Variants in WWOX observed in about 807,000 individuals in gnomAD.
The protein encoded by WWOX is WW domain-containing oxidoreductase.
WWOX carries 69 observed loss-of-function variants against 46.2 expected under a neutral mutation model. That is an observed-to-expected ratio of 1.49 (90% CI 1.23 to 1.82). The LOEUF is 1.82. Among genes scored for constraint, WWOX ranks in the 40% most tolerant of loss-of-function variants. WWOX has a pLI of 0.00. For missense variants in WWOX, 919 were observed against 542.6 expected (o/e 1.69, Z -6.89); for synonymous variants, 359 against 202.6 (o/e 1.77, Z -6.56).
intron 8 of WWOX, among the ~76,000 whole-genome samples, chr16:79,117,337 T>C (rs1443424218): frequency 1.3e-5 from 2 of 152,118 alleles, no homozygotes; most frequent in Admixed American, 6.5e-5. Flanking sequence ...GGAATACAAA[T>C]TTTTTCCCAA....
intron 8 of WWOX, among the ~76,000 whole-genome samples, chr16:78,759,169 T>C (rs2049730149): frequency 6.6e-6 from 1 of 152,126 alleles, no homozygotes; most frequent in Non-Finnish European, 1.5e-5. Flanking sequence ...TGGTGCTTAG[T>C]GGTGACTATG....
rs141315832 is a variant in WWOX, at chr16:78,169,203, G to T, written c.516+4914G>T. 6.5e-3 allele frequency among the ~76,000 whole-genome samples: 995 copies of T among 152,282 alleles called. 4 individuals carry two copies. The highest frequency in any genetic ancestry group is 0.012 in the Non-Finnish European group (797 of 68,014). On this transcript the variant is annotated intron_variant, in intron 5 of 8. Coordinates refer to ENST00000566780, the MANE Select transcript of WWOX (RefSeq NM_016373.4). ...TAAGACAAGCACCTATCGTTTTCCT[G>T]TGTATTCCAAGAGGCCAGTGTGGCT...
chr16:79,184,336 C>A (rs1028661935), intron 8 of WWOX, among the ~76,000 whole-genome samples: 4 of 152,164 alleles, frequency 2.6e-5, no homozygotes, highest in Admixed American at 6.5e-5. Flanking sequence ...TTTGAACACC[C>A]ATCACTGTGA....
chr16:79,140,839 T>A (rs1469762260), intron 8 of WWOX, among the ~76,000 whole-genome samples: 1 of 152,212 alleles, frequency 6.6e-6, no homozygotes, highest in Non-Finnish European at 1.5e-5. Context: ...GAGAGTCTTC[T>A]TGTCACTCAA....
intron 8 of WWOX, among the ~76,000 whole-genome samples, chr16:78,638,152 C>T (rs557782908): frequency 3.0e-4 from 45 of 152,244 alleles, no homozygotes; most frequent in African/African-American, 1.0e-3. Flanking sequence ...ACACTGTTTC[C>T]CATGGCAATT....
chr16:78,245,705 A>G lies in WWOX; in HGVS notation c.516+81416A>G, dbSNP rs182809527. 2.5e-3 allele frequency among the ~76,000 whole-genome samples: 385 copies of G among 152,358 alleles called. 2 individuals are homozygous for G. Among genetic ancestry groups the G allele is most frequent in the Non-Finnish European group, 3.4e-3 (234 of 68,026 alleles). ...ATTTGTCATCCCATAGAATGCCACC[A>G]CATGGAATCGGTCCTGAGGCTTCTG... On this transcript the variant is annotated intron_variant, in intron 5 of 8. Transcript: ENST00000566780.
intron 6 of WWOX, among the ~76,000 whole-genome samples, chr16:78,421,067 C>T (rs1278002058): frequency 6.6e-6 from 1 of 152,000 alleles, no homozygotes; most frequent in African/African-American, 2.4e-5. Context: ...TTTTAGTTGA[C>T]ATGTCATTAT....
intron 8 of WWOX, among the ~76,000 whole-genome samples, chr16:78,730,098 C>T (rs1422422159): frequency 6.6e-5 from 10 of 152,098 alleles, no homozygotes; most frequent in Admixed American, 6.5e-4. Flanking sequence ...TGTTTTACTC[C>T]TTGCTATAAA....
intron 8 of WWOX, among the ~76,000 whole-genome samples, chr16:78,626,245 C>T (rs1157689828): frequency 6.6e-6 from 1 of 152,038 alleles, no homozygotes; most frequent in Non-Finnish European, 1.5e-5. Flanking sequence ...ATTCTCCTGC[C>T]TCAGCCTCCT....
intron 8 of WWOX, among the ~76,000 whole-genome samples, chr16:78,972,708 G>T (rs1391884779): frequency 1.3e-5 from 2 of 152,066 alleles, no homozygotes; most frequent in African/African-American, 4.8e-5. Flanking sequence ...TCTCCTCCCT[G>T]ACCTCAGGTC....
At chr16:78,364,268 C>G (rs889921963) in intron 5 of WWOX, among the ~76,000 whole-genome samples, 1 of 152,182 alleles carries the variant, frequency 6.6e-6, no homozygotes, top group African/African-American at 2.4e-5. Flanking sequence ...TTAATAGTTA[C>G]TCTACTCTCC....
At chr16:79,132,203 C>T (rs2049894312) in intron 8 of WWOX, among the ~76,000 whole-genome samples, 1 of 151,744 alleles carries the variant, frequency 6.6e-6, no homozygotes, top group East Asian at 1.9e-4. Flanking sequence ...ACTTGGAAAG[C>T]AATCATATTT....
chr16:78,493,912 G>A (rs1455553861), intron 8 of WWOX, among the ~76,000 whole-genome samples: 2 of 152,220 alleles, frequency 1.3e-5, no homozygotes, highest in Non-Finnish European at 2.9e-5. Flanking sequence ...ACTAGGTAGA[G>A]CAATGATTCC....
In WWOX at chr16:78,350,979, G is replaced by GAGGA. The variant is rs2081172858; in HGVS notation, c.517-35881_517-35880insAGGA. Among the ~76,000 whole-genome samples, 7 of 56,194 alleles carry GAGGA rather than the reference G, an allele frequency of 1.2e-4. 1 individual carries two copies. The highest frequency in any genetic ancestry group is 4.0e-4 in the Non-Finnish European group (7 of 17,536). 36.9% of individuals were successfully genotyped at this position (56,194 alleles called of 152,430 possible). A position where few individuals can be genotyped will look rare whatever the true frequency, so the allele number is the denominator to read the frequency against. On this transcript the variant is annotated intron_variant, in intron 5 of 8. Transcript: ENST00000566780. ...GCACTCGCTGTCATTTTTCTTTTTA[G>GAGGA]TCTTGTCATTTTATTGGGTATGAAG...
intron 5 of WWOX, among the ~76,000 whole-genome samples, chr16:78,363,983 A>G (rs754736156): frequency 6.6e-6 from 1 of 152,200 alleles, no homozygotes; most frequent in Non-Finnish European, 1.5e-5. Flanking sequence ...CCAAGTGGGC[A>G]AGAGGAATTC....
chr16:78,117,257 C>T (rs183841487), intron 4 of WWOX, among the ~76,000 whole-genome samples: 39 of 152,206 alleles, frequency 2.6e-4, no homozygotes, highest in African/African-American at 8.4e-4. Context: ...AATTGTAACG[C>T]TCAGGATGGC....
At chr16:78,476,016 T>C (rs1475121681) in intron 8 of WWOX, among the ~76,000 whole-genome samples, 1 of 152,128 alleles carries the variant, frequency 6.6e-6, no homozygotes, top group Non-Finnish European at 1.5e-5. Context: ...CCACCCCAAC[T>C]CCTTACTCAT....
At chr16:78,856,357 A>G (rs2052566585) in intron 8 of WWOX, among the ~76,000 whole-genome samples, 1 of 152,158 alleles carries the variant, frequency 6.6e-6, no homozygotes, top group African/African-American at 2.4e-5. Context: ...AGTTGAATAG[A>G]TCTAGCCTGG....
At chr16:78,615,276 A>G (rs2045995598) in intron 8 of WWOX, among the ~76,000 whole-genome samples, 1 of 152,216 alleles carries the variant, frequency 6.6e-6, no homozygotes, top group Admixed American at 6.5e-5. Context: ...GCTCTGCTAC[A>G]GACGTCAGGT....
Sources: gnomAD v4.1 joint callset for allele counts (sites outside exome capture counted in the v4.1 genomes callset) on GRCh38, gnomAD v4.1.1 for gene constraint, MANE v1.5 for transcripts, NCBI Gene and HGNC (gene_info 2026-07-23, HGNC 2026-07-21) for gene names.